PCSK5: variants seen among roughly 807,000 people sequenced by gnomAD.
PCSK5 encodes the protein prohormone convertase 5.
PCSK5 carries 129 observed loss-of-function variants against 233.2 expected under a neutral mutation model. That is an observed-to-expected ratio of 0.55 (90% CI 0.48 to 0.64). PCSK5 has a LOEUF of 0.64. PCSK5 is among the 30% of genes least tolerant of loss of function. The probability of loss-of-function intolerance (pLI) is 0.00; values close to 1 mark genes in which losing one functional copy is unlikely to be tolerated. For synonymous variants in PCSK5, 825 were observed against 879.2 expected (o/e 0.94, Z 1.09); for missense variants, 2,076 against 2,430.1 (o/e 0.85, Z 3.06).
intron 2 of PCSK5, among the ~76,000 whole-genome samples, chr9:75,964,153 T>C (rs1296010389): frequency 1.3e-5 from 2 of 152,102 alleles, no homozygotes; most frequent in Non-Finnish European, 2.9e-5. Context: ...TTCTGCTGCA[T>C]CGTTTTTTTT....
intron 15 of PCSK5, among the ~76,000 whole-genome samples, chr9:76,180,667 C>T (rs865859488): frequency 3.3e-5 from 5 of 152,126 alleles, no homozygotes; most frequent in Admixed American, 6.6e-5. Context: ...AGCTGCCACA[C>T]GGTTCCTCCA....
intron 20 of PCSK5, among the ~76,000 whole-genome samples, chr9:76,226,731 A>G (rs997434504): frequency 2.6e-5 from 4 of 152,110 alleles, no homozygotes; most frequent in African/African-American, 9.7e-5. Flanking sequence ...GCAGGTTAGG[A>G]TGAGTGCAAT....
At chr9:75,909,625 G>A (rs1822636059) in intron 1 of PCSK5, among the ~76,000 whole-genome samples, 1 of 152,172 alleles carries the variant, frequency 6.6e-6, no homozygotes. Context: ...AACCTGGGAG[G>A]CAGAGGTTGC....
rs1286020691 is a variant in PCSK5, at chr9:76,282,145, T to TTTTTTTTTTTTTTTC, written c.3143-10086_3143-10085insTTTTTTTTTTTTCTT. Among the ~76,000 whole-genome samples the TTTTTTTTTTTTTTTC allele has an allele frequency of 1.0e-4, 10 of 98,988 alleles. 1 individual carries two copies. In the East Asian group the frequency reaches 1.2e-3, roughly 12 times the overall value. The allele number at this position is 98,988 out of a possible 152,430, so 64.9% of individuals were successfully genotyped here. A position where few individuals can be genotyped will look rare whatever the true frequency, so the allele number is the denominator to read the frequency against. ...CTTTTTTTTTTTTTTTTTTTTTTTTTTTCGCTCTGTTGCCCAGGCTGGAGC... is the reference window on the plus strand; with the variant it reads ...CTTTTTTTTTTTTTTTTTTTTTTTTTTTTTTTTTTTTTTTCTTCGCTCTGTTGCCCAGGCTGGAGC... On this transcript the variant is annotated intron_variant, in intron 24 of 37. Coordinates refer to ENST00000674117, the MANE Select transcript of PCSK5 (RefSeq NM_001372043.1).
intron 16 of PCSK5, among the ~76,000 whole-genome samples, chr9:76,183,685 G>A (rs773020652): frequency 6.6e-6 from 1 of 152,158 alleles, no homozygotes; most frequent in African/African-American, 2.4e-5. Context: ...AAGGGGCTTC[G>A]TATTTCATGC....
At chr9:76,239,560 G>T (rs1205240158) in intron 23 of PCSK5, among the ~76,000 whole-genome samples, 1 of 151,824 alleles carries the variant, frequency 6.6e-6, no homozygotes, top group Non-Finnish European at 1.5e-5. Flanking sequence ...GCCAGGCTTG[G>T]TGTTGCATGC....
chr9:76,220,905 T>C (rs960111074), intron 20 of PCSK5, among the ~76,000 whole-genome samples: 2 of 152,060 alleles, frequency 1.3e-5, no homozygotes, highest in African/African-American at 4.8e-5. Context: ...TTGACCAAAA[T>C]CCCCCCAGTC....
chr9:76,230,037 C>T lies in PCSK5; in HGVS notation c.2729+2432C>T, dbSNP rs569037431. Among the ~76,000 whole-genome samples the T allele has an allele frequency of 1.5e-3, 227 of 152,266 alleles. 2 individuals carry two copies. The highest frequency in any genetic ancestry group is 5.8e-3 in the Admixed American group (89 of 15,276). ...GGCTTTAAGGAACATTTTCATCAGA[C>T]CCATTTTCTACTTTTATAGAGAAAA... On this transcript the variant is annotated intron_variant, in intron 21 of 37. Transcript: ENST00000674117.
chr9:76,238,875 T>A, intron 22 of PCSK5, 84 bp from the exon 23 acceptor site: 4 of 1,039,352 alleles, frequency 3.8e-6, no homozygotes, highest in Non-Finnish European at 5.7e-6. Flanking sequence ...CGCATCTTTT[T>A]AAAATATAAT....
At chr9:75,915,534 C>A (rs578202143) in intron 1 of PCSK5, among the ~76,000 whole-genome samples, 1 of 152,092 alleles carries the variant, frequency 6.6e-6, no homozygotes, top group Admixed American at 6.6e-5. Context: ...AGTGACAGAC[C>A]GTTGGCATGT....
At chr9:76,235,302 CA>C (rs781224164) in intron 22 of PCSK5, among the ~76,000 whole-genome samples, 4 of 125,132 alleles carry the variant, frequency 3.2e-5, no homozygotes, top group South Asian at 2.5e-4. Flanking sequence ...TTATTTGCAA[CA>C]AAAAAAAAGA....
chr9:76,196,866 CATAATA>C (rs1210555459), intron 20 of PCSK5, among the ~76,000 whole-genome samples: 4 of 152,144 alleles, frequency 2.6e-5, no homozygotes, highest in Non-Finnish European at 5.9e-5. Flanking sequence ...TATCCAGATT[CATAATA>C]ATAATACAAT....
intron 5 of PCSK5, among the ~76,000 whole-genome samples, chr9:76,028,314 A>C (rs1336519479): frequency 6.6e-6 from 1 of 152,216 alleles, no homozygotes; most frequent in Non-Finnish European, 1.5e-5. Flanking sequence ...GGGGAACTGC[A>C]ATGGAGAAAG....
At chr9:76,033,538 A>C (rs111842140) in intron 5 of PCSK5, among the ~76,000 whole-genome samples, 2,692 of 152,264 alleles carry the variant, frequency 0.018, 69 homozygotes, top group African/African-American at 0.057. Flanking sequence ...ACAAGTGTAC[A>C]TGTACATTAC....
chr9:76,145,998 G>T (rs892527158), intron 10 of PCSK5, among the ~76,000 whole-genome samples: 1 of 151,958 alleles, frequency 6.6e-6, no homozygotes, highest in African/African-American at 2.4e-5. Flanking sequence ...GAATCCATCT[G>T]GATACATCTT....
At chr9:76,130,093 A>T (rs4745505) in intron 9 of PCSK5, among the ~76,000 whole-genome samples, 1 of 151,468 alleles carries the variant, frequency 6.6e-6, no homozygotes, top group East Asian at 1.9e-4. Flanking sequence ...TACGGTATAC[A>T]TGTAAACTAT....
At chr9:75,971,589 G>A (rs1311122139) in intron 2 of PCSK5, among the ~76,000 whole-genome samples, 6 of 152,108 alleles carry the variant, frequency 3.9e-5, no homozygotes, top group Non-Finnish European at 8.8e-5. Context: ...AGTCTCACCA[G>A]CATCTGTTGT....
chr9:75,960,092 GTAAC>G (rs916677967), intron 2 of PCSK5, among the ~76,000 whole-genome samples: 46 of 152,216 alleles, frequency 3.0e-4, no homozygotes, highest in Non-Finnish European at 4.9e-4. Flanking sequence ...AGACAGAAGT[GTAAC>G]TAACTGTATG....
At chr9:75,966,552 T>C (rs1454215251) in intron 2 of PCSK5, among the ~76,000 whole-genome samples, 1 of 152,202 alleles carries the variant, frequency 6.6e-6, no homozygotes, top group East Asian at 1.9e-4. Context: ...TAGAGGTAGA[T>C]CTCTTTTAGT....
Sources: allele counts gnomAD v4.1 joint callset (sites outside exome capture counted in the v4.1 genomes callset), GRCh38; gene constraint gnomAD v4.1.1; transcripts MANE v1.5; gene names NCBI Gene and HGNC (gene_info 2026-07-23, HGNC 2026-07-21).